Variants in ADK observed in about 807,000 individuals in gnomAD.
ADK encodes N6,N6-dimethyladenosine kinase.
In ADK, 24 loss-of-function variants were observed where a neutral mutation model predicts 44.7. The ratio of observed to expected loss-of-function variants is 0.54; its 90% CI spans 0.39 to 0.76. The LOEUF (loss-of-function observed/expected upper bound fraction) is 0.76, where lower values mean the gene tolerates loss of function less well. Among genes scored for constraint, ADK ranks in the 30% least tolerant of loss-of-function variants. The probability of loss-of-function intolerance (pLI) is 0.00; values close to 1 mark genes in which losing one functional copy is unlikely to be tolerated. For missense variants in ADK, 321 were observed against 425.1 expected (o/e 0.76, Z 2.15); for synonymous variants, 128 against 142.6 (o/e 0.90, Z 0.73).
At chr10:74,704,216 CAG>C (rs1382615954) in intron 10 of ADK, among the ~76,000 whole-genome samples, 1 of 152,092 alleles carries the variant, frequency 6.6e-6, no homozygotes, top group Non-Finnish European at 1.5e-5. Context: ...TTAATGGGTA[CAG>C]AGTTTCTTTT....
In ADK at chr10:74,151,322, T is replaced by C; in HGVS notation, c.44T>C (p.Val15Ala). ...EEEPKPKKLK[V>A]EAPQALRENI... ...GAGCCGAAGCCCAAAAAGCTGAAGG[T>C]GGAGGCGCCGCAAGCGCTGAGGTGA... Residue 15 changes from valine to alanine, a missense_variant, in exon 1 of 11, where the codon GTG (valine) becomes GCG (alanine). Val to Ala is a moderately conservative substitution (Grantham distance 64, BLOSUM62 0). Coordinates refer to ENST00000539909, the MANE Select transcript of ADK (RefSeq NM_006721.4). 1.3e-6 allele frequency: 2 copies of C among 1,549,150 alleles called. No homozygotes were observed. Among genetic ancestry groups the C allele is most frequent in the Non-Finnish European group, 1.7e-6 (2 of 1,146,700 alleles).
intron 6 of ADK, among the ~76,000 whole-genome samples, chr10:74,483,944 G>A (rs750727925): frequency 4.6e-5 from 7 of 152,144 alleles, no homozygotes; most frequent in East Asian, 1.9e-4. Flanking sequence ...AAACTTACCC[G>A]TATCTTACTA....
chr10:74,697,211 T>C (rs1296650512), intron 10 of ADK, among the ~76,000 whole-genome samples: 1 of 152,148 alleles, frequency 6.6e-6, no homozygotes, highest in Non-Finnish European at 1.5e-5. Context: ...GAAAACAATT[T>C]CAGCGTAATA....
At chr10:74,626,198 G>C (rs1853196220) in intron 9 of ADK, among the ~76,000 whole-genome samples, 1 of 152,066 alleles carries the variant, frequency 6.6e-6, no homozygotes. Context: ...TTAAAAACTT[G>C]TGTCCACTTC....
chr10:74,590,512 A>G (rs1240884332), intron 8 of ADK, among the ~76,000 whole-genome samples: 2 of 152,198 alleles, frequency 1.3e-5, no homozygotes, highest in Admixed American at 6.5e-5. Context: ...GAGGAAAGAC[A>G]AGGAACATGT....
At chr10:74,283,010 G>A (rs1269959430) in intron 3 of ADK, among the ~76,000 whole-genome samples, 1 of 152,140 alleles carries the variant, frequency 6.6e-6, no homozygotes, top group East Asian at 1.9e-4. Flanking sequence ...AGCCACTTTA[G>A]TCATAGGTAA....
chr10:74,207,826 C>T (rs1202504887), intron 2 of ADK, among the ~76,000 whole-genome samples: 1 of 152,164 alleles, frequency 6.6e-6, no homozygotes, highest in East Asian at 1.9e-4. Context: ...GGCAGGGCTT[C>T]ACCTGAACCC....
intron 6 of ADK, among the ~76,000 whole-genome samples, chr10:74,479,704 A>G (rs1846996535): frequency 6.6e-6 from 1 of 151,686 alleles, no homozygotes; most frequent in South Asian, 2.1e-4. Context: ...CTTTTCTTTT[A>G]AGTGTGCTTT....
At chr10:74,658,218 A>G (rs1854564370) in intron 9 of ADK, among the ~76,000 whole-genome samples, 1 of 152,192 alleles carries the variant, frequency 6.6e-6, no homozygotes, top group Non-Finnish European at 1.5e-5. Flanking sequence ...AGCCCCTATA[A>G]TATACCAGGC....
chr10:74,663,645 A>T (rs1854835397), intron 9 of ADK, among the ~76,000 whole-genome samples: 1 of 152,186 alleles, frequency 6.6e-6, no homozygotes, highest in Admixed American at 6.5e-5. Context: ...AATAAACTAA[A>T]CTAATTAAAG....
At chr10:74,521,559 G>A (rs1390414630) in intron 6 of ADK, among the ~76,000 whole-genome samples, 1 of 152,102 alleles carries the variant, frequency 6.6e-6, no homozygotes, top group African/African-American at 2.4e-5. Context: ...GGCTGGCTGT[G>A]GTTAATCCAC....
At chr10:74,419,646 T>TCA (rs1844490559) in intron 6 of ADK, among the ~76,000 whole-genome samples, 1 of 152,168 alleles carries the variant, frequency 6.6e-6, no homozygotes, top group East Asian at 1.9e-4. Context: ...ATTTTGTAGT[T>TCA]CAATCTATTT....
intron 4 of ADK, among the ~76,000 whole-genome samples, chr10:74,328,573 T>C (rs1841099359): frequency 6.6e-6 from 1 of 152,054 alleles, no homozygotes; most frequent in South Asian, 2.1e-4. Flanking sequence ...TGGGAGGTGA[T>C]TGGATCATGG....
intron 10 of ADK, among the ~76,000 whole-genome samples, chr10:74,703,033 A>G (rs539914132): frequency 6.6e-6 from 1 of 152,336 alleles, no homozygotes; most frequent in South Asian, 2.1e-4. Flanking sequence ...GCAGATGGAC[A>G]TGATGTGCCT....
intron 3 of ADK, among the ~76,000 whole-genome samples, chr10:74,292,830 A>G (rs1839668840): frequency 6.6e-6 from 1 of 152,050 alleles, no homozygotes; most frequent in Non-Finnish European, 1.5e-5. Context: ...CTTTGCCTAG[A>G]TTTTTGCAGT....
At chr10:74,177,417 G>T (rs1276689124) in intron 1 of ADK, among the ~76,000 whole-genome samples, 1 of 152,132 alleles carries the variant, frequency 6.6e-6, no homozygotes, top group Non-Finnish European at 1.5e-5. Flanking sequence ...GTACCATCTT[G>T]TTTCTTTACT....
At chr10:74,576,279 A>G (rs2133877218) in intron 7 of ADK, among the ~76,000 whole-genome samples, 1 of 152,272 alleles carries the variant, frequency 6.6e-6, no homozygotes, top group Admixed American at 6.5e-5. Context: ...ATGAAGTCTC[A>G]TTTTTCATGT....
intron 3 of ADK, among the ~76,000 whole-genome samples, chr10:74,302,725 G>A (rs376444826): frequency 6.6e-6 from 1 of 152,246 alleles, no homozygotes; most frequent in African/African-American, 2.4e-5. Context: ...GAGCCTGGGA[G>A]GCGGAAGTTG....
intron 8 of ADK, among the ~76,000 whole-genome samples, chr10:74,594,846 C>T (rs980200665): frequency 2.0e-5 from 3 of 152,084 alleles, no homozygotes; most frequent in African/African-American, 7.2e-5. Flanking sequence ...ATAGGTAGGG[C>T]ATGTATTGCC....
Sources: gnomAD v4.1 joint callset for allele counts (sites outside exome capture counted in the v4.1 genomes callset) on GRCh38, gnomAD v4.1.1 for gene constraint, MANE v1.5 for transcripts, NCBI Gene and HGNC (gene_info 2026-07-23, HGNC 2026-07-21) for gene names.